The following TRAPPC10 variants were observed in gnomAD, a reference collection of about 807,000 sequenced individuals.
The protein encoded by TRAPPC10 is trafficking protein particle complex subunit 10.
A neutral mutation model predicts 125.5 loss-of-function variants in TRAPPC10; 23 were observed. The ratio of observed to expected loss-of-function variants is 0.18; its 90% CI spans 0.13 to 0.26. TRAPPC10 has a LOEUF of 0.26. Among genes scored for constraint, TRAPPC10 ranks in the 10% least tolerant of loss-of-function variants. TRAPPC10 has a pLI of 1.00. For missense variants in TRAPPC10, 1,123 were observed against 1,308.4 expected, an observed-to-expected ratio of 0.86 and a Z score of 2.19; for synonymous variants, 509 against 518.0, an observed-to-expected ratio of 0.98 and a Z score of 0.24.
chr21:44,059,467 A>G lies in TRAPPC10; in HGVS notation c.790+253A>G. On this transcript the variant is annotated intron_variant, in intron 6 of 22. Transcript: ENST00000291574. The surrounding 1 kb of genome is among the most constrained non-coding windows in gnomAD (Gnocchi z 4.4). Reference sequence around the variant, plus strand: ...AATTTAAAAAAACTGTTTTCCAGGTATAAAATGTCCTTTCCACAACTCAGT... The same window carrying G: ...AATTTAAAAAAACTGTTTTCCAGGTGTAAAATGTCCTTTCCACAACTCAGT... 1.3e-6 allele frequency: 1 copy of G among 743,044 alleles called. No homozygotes were observed. Among genetic ancestry groups the G allele is most frequent in the Non-Finnish European group, 2.5e-6 (1 of 398,630 alleles). 46.0% of individuals were successfully genotyped at this position (743,044 alleles called of 1,614,324 possible).
chr21:44,052,445 A>G lies in TRAPPC10; in HGVS notation c.451A>G (p.Arg151Gly). ...CCGAACCTCTATTGTGGACAAAATAAGAAATGATTTTTGTAATAAACAGAG... is the reference window on the plus strand; with the variant it reads ...CCGAACCTCTATTGTGGACAAAATAGGAAATGATTTTTGTAATAAACAGAG... ...LPRTSIVDKI[R>G]NDFCNKQSDR... The change falls in exon 4 of 23, where the codon AGA becomes GGA. Residue 151 changes from arginine to glycine, a missense_variant. Around this residue, in one of 4 missense-constraint regions of TRAPPC10, gnomAD observed 177 missense variants for 228.9 expected, o/e 0.77. Coordinates refer to ENST00000291574, the MANE Select transcript of TRAPPC10 (RefSeq NM_003274.5). The G allele has an allele frequency of 6.2e-7, 1 of 1,604,232 alleles. No homozygotes were observed. The highest frequency in any genetic ancestry group is 8.5e-7 in the Non-Finnish European group (1 of 1,177,568).
chr21:44,063,286 C>A lies in TRAPPC10; in HGVS notation c.791-252C>A. On this transcript the variant is annotated intron_variant, in intron 6 of 22. Coordinates refer to ENST00000291574, the MANE Select transcript of TRAPPC10 (RefSeq NM_003274.5). The surrounding 1 kb of genome is among the most constrained non-coding windows in gnomAD (Gnocchi z 4.4). ...TGTCTGTCTCTGGGTGACTTCCCAA[C>A]CTGTTCAGCTCCCGCCCATGACTTT... The A allele has an allele frequency of 3.3e-6, 4 of 1,202,084 alleles. No homozygotes were observed. The South Asian group carries it at 4.7e-5, about 14-fold the overall frequency. The allele number at this position is 1,202,084 out of a possible 1,614,324, so 74.5% of individuals were successfully genotyped here.
intron 15 of TRAPPC10, 35 bp from the exon 16 acceptor site, chr21:44,086,767 G>T (rs1189233195): frequency 6.2e-7 from 1 of 1,606,394 alleles, no homozygotes; most frequent in Non-Finnish European, 8.5e-7. Flanking sequence ...CTTCCGGTTG[G>T]CAGCGGTGCT....
intron 15 of TRAPPC10, among the ~76,000 whole-genome samples, chr21:44,086,112 G>T (rs911780373): frequency 1.3e-5 from 2 of 152,192 alleles, no homozygotes; most frequent in Non-Finnish European, 2.9e-5. Context: ...CCGCAGGGGA[G>T]CCGAAGCACC....
At chr21:44,076,910 T>C (rs1409009687) in intron 10 of TRAPPC10, among the ~76,000 whole-genome samples, 1 of 152,228 alleles carries the variant, frequency 6.6e-6, no homozygotes, top group African/African-American at 2.4e-5. Flanking sequence ...GAGAGGCTAG[T>C]GAATACTTTT....
At chr21:44,027,222 G>A (rs1458395779) in intron 1 of TRAPPC10, among the ~76,000 whole-genome samples, 1 of 151,986 alleles carries the variant, frequency 6.6e-6, no homozygotes, top group Non-Finnish European at 1.5e-5. Context: ...TAGAAGTATT[G>A]ACCTTGAAAA....
At chr21:44,077,586 A>G in intron 10 of TRAPPC10, 107 bp from the exon 11 acceptor site, 9 of 905,140 alleles carry the variant, frequency 9.9e-6, no homozygotes, top group Non-Finnish European at 1.5e-5. Flanking sequence ...CTCTGTCTCA[A>G]AACAAAAACC....
At chr21:44,056,877 C>T (rs1156378227) in intron 5 of TRAPPC10, among the ~76,000 whole-genome samples, 1 of 151,928 alleles carries the variant, frequency 6.6e-6, no homozygotes, top group Non-Finnish European at 1.5e-5. Flanking sequence ...CTGGTTGTGA[C>T]AATTGTACCA....
chr21:44,066,996 TG>T (rs1182385632), intron 7 of TRAPPC10, among the ~76,000 whole-genome samples: 4 of 152,340 alleles, frequency 2.6e-5, no homozygotes, highest in Admixed American at 2.0e-4. Flanking sequence ...ATAATGTGTT[TG>T]TTACAATGAT....
chr21:44,028,784 A>G (rs2033301618), intron 1 of TRAPPC10, among the ~76,000 whole-genome samples: 1 of 152,234 alleles, frequency 6.6e-6, no homozygotes, highest in African/African-American at 2.4e-5. Flanking sequence ...CTTTGTGAAC[A>G]GGGTTTCTGA....
chr21:44,045,715 C>G (rs1330285440), intron 3 of TRAPPC10, among the ~76,000 whole-genome samples: 2 of 151,950 alleles, frequency 1.3e-5, no homozygotes, highest in African/African-American at 4.8e-5. Context: ...CCATGCCCAG[C>G]TAATTTTTTT....
At chr21:44,052,075 A>G (rs2035269400) in intron 3 of TRAPPC10, among the ~76,000 whole-genome samples, 1 of 152,224 alleles carries the variant, frequency 6.6e-6, no homozygotes, top group African/African-American at 2.4e-5. Context: ...ACTGGGGATC[A>G]TGCATGCCTG....
chr21:44,076,047 C>CTAAAAAAAAA lies in TRAPPC10; in HGVS notation c.1301-505_1301-504insTAAAAAAAAA, dbSNP rs113332330. Among the ~76,000 whole-genome samples, 62 of 137,280 alleles carry CTAAAAAAAAA rather than the reference C, an allele frequency of 4.5e-4. 1 individual carries two copies. In the Middle Eastern group the frequency reaches 0.012, roughly 27 times the overall value. The allele number at this position is 137,280 out of a possible 152,430, so 90.1% of individuals were successfully genotyped here. ...CTGGGCAACAAGAGCAAAACTCTGT[C>CTAAAAAAAAA]AAAAAAAAAAAAAAATTCTCCTGGA... is the stretch of plus-strand genomic sequence containing the variant. On this transcript the variant is annotated intron_variant, in intron 9 of 22. Transcript: ENST00000291574.
rs186684556 is a variant in TRAPPC10 at position 44,039,757 on chromosome 21, C to T, written c.285+1830C>T. On this transcript the variant is annotated intron_variant, in intron 3 of 22. Coordinates refer to ENST00000291574, the MANE Select transcript of TRAPPC10 (RefSeq NM_003274.5). ...GCACATGCCTGTAATCCCAGCTACTCGGTAGGCTGAGGCAGGAGAATTGCT... is the reference window on the plus strand; with the variant it reads ...GCACATGCCTGTAATCCCAGCTACTTGGTAGGCTGAGGCAGGAGAATTGCT... Among the ~76,000 whole-genome samples the T allele has an allele frequency of 3.3e-5, 5 of 152,232 alleles. No homozygotes were observed. The East Asian group carries it at 5.8e-4, about 18-fold the overall frequency.
At chr21:44,022,209 A>G (rs2032588160) in intron 1 of TRAPPC10, among the ~76,000 whole-genome samples, 1 of 151,540 alleles carries the variant, frequency 6.6e-6, no homozygotes, top group South Asian at 2.1e-4. Flanking sequence ...CTCGGGTTCA[A>G]GCAACTCTTC....
chr21:44,094,110 G>T lies in TRAPPC10; in HGVS notation c.3045G>T (p.Trp1015Cys), dbSNP rs1310962805. The T allele has an allele frequency of 1.2e-6, 2 of 1,613,978 alleles. No individual in the cohort carries two copies. ...TGTTCTTCGTCTGGGAACTCAAGTG[G>T]ACAGAAGAGCCTCCCCCTTCTCTGC... is the stretch of plus-strand genomic sequence containing the variant. ...QSVFFVWELKWTEEPPPSLHC... is the reference protein window; with the variant it reads ...QSVFFVWELKCTEEPPPSLHC... Residue 1015 changes from tryptophan to cysteine, a missense_variant, in exon 20 of 23, where the codon TGG becomes TGT. Coordinates refer to ENST00000291574, the MANE Select transcript of TRAPPC10 (RefSeq NM_003274.5).
chr21:44,079,489 A>C, intron 11 of TRAPPC10, 75 bp from the exon 12 acceptor site: 1 of 1,516,492 alleles, frequency 6.6e-7, no homozygotes, highest in Non-Finnish European at 8.8e-7. Flanking sequence ...TGGAGGCCAA[A>C]GCGGGAGAGA....
chr21:44,075,295 G>A (rs2037195597), intron 9 of TRAPPC10, 142 bp downstream of exon 9: 1 of 614,638 alleles, frequency 1.6e-6, no homozygotes, highest in Admixed American at 2.9e-5. Flanking sequence ...TTAGCTGACT[G>A]GATTAAAGCA....
chr21:44,089,273 T>C, intron 17 of TRAPPC10: 2 of 344,710 alleles, frequency 5.8e-6, no homozygotes, highest in South Asian at 4.3e-5. Flanking sequence ...CTCTTCCCTG[T>C]GGGGAATAAG....
Sources: gnomAD v4.1 joint callset for allele counts (sites outside exome capture counted in the v4.1 genomes callset) on GRCh38, gnomAD v4.1.1 for gene constraint, gnomAD v4.1.1 regional missense constraint, Gnocchi (gnomAD v3.1) non-coding constraint, MANE v1.5 for transcripts, NCBI Gene and HGNC (gene_info 2026-07-23, HGNC 2026-07-21) for gene names.